NEB: variants seen among roughly 807,000 people sequenced by gnomAD.
The protein encoded by NEB is nemaline myopathy type 2.
NEB carries 512 observed loss-of-function variants against 952.2 expected under a neutral mutation model. The ratio of observed to expected loss-of-function variants is 0.54; its 90% CI spans 0.50 to 0.58. NEB has a LOEUF of 0.58. Among genes scored for constraint, NEB ranks in the 20% least tolerant of loss-of-function variants. NEB has a pLI of 0.00. For synonymous variants in NEB, 2,900 were observed against 3,149.8 expected, an observed-to-expected ratio of 0.92 and a Z score of 2.66; for missense variants, 8,428 against 9,231.1, an observed-to-expected ratio of 0.91 and a Z score of 3.56.
In NEB at chr2:151,503,279, T is replaced by C. The variant is rs1447242799; in HGVS notation, c.23835+70A>G. On this transcript the variant is annotated intron_variant, in intron 166 of 181. Transcript: ENST00000397345. ...ATTGCTGTTAAGATGTTACTTTCTT[T>C]AAAAAAGATGGGTTATTGTGGTAAA... 2.5e-6 allele frequency: 3 copies of C among 1,184,232 alleles called. No homozygotes were observed. The East Asian group carries it at 7.1e-5, about 28-fold the overall frequency. 73.4% of individuals were successfully genotyped at this position (1,184,232 alleles called of 1,614,324 possible).
chr2:151,519,047 T>C lies in NEB; in HGVS notation c.22613A>G (p.Lys7538Arg). The C allele has an allele frequency of 1.2e-6, 2 of 1,612,948 alleles. No individual in the cohort carries two copies. Among genetic ancestry groups the C allele is most frequent in the Non-Finnish European group, 1.7e-6 (2 of 1,178,994 alleles). Reference sequence around the variant, plus strand: ...GTCAGTCACGGGTTTGTGAAGTTTCTTCAGGTCAGCCTTGTATTTAACCTG... The same window carrying C: ...GTCAGTCACGGGTTTGTGAAGTTTCCTCAGGTCAGCCTTGTATTTAACCTG... ...ASEVKYKADL[K>R]KLHKPVTDMK... The change falls in exon 155 of 182, where the codon AAG becomes AGG. Residue 7538 changes from lysine to arginine, a missense_variant. Lys to Arg is a conservative substitution (Grantham distance 26, BLOSUM62 2). Around this residue, in one of 11 missense-constraint regions of NEB, gnomAD observed 3,374 missense variants for 3,651.5 expected, o/e 0.92. Transcript: ENST00000397345.
intron 36 of NEB, 74 bp downstream of exon 36, chr2:151,674,403 T>C: frequency 1.8e-6 from 2 of 1,090,918 alleles, no homozygotes; most frequent in Non-Finnish European, 2.8e-6. Flanking sequence ...TTCAATAAGG[T>C]ATCAATTTAA....
rs1208528760 is a variant in NEB, at chr2:151,663,534, T to C, written c.5763+14A>G. 2 of 1,595,350 alleles carry C rather than the reference T, an allele frequency of 1.3e-6. No homozygotes were observed. Among genetic ancestry groups the C allele is most frequent in the African/African-American group, 2.7e-5 (2 of 74,530 alleles). Reference sequence around the variant, plus strand: ...ATCCAGAGTAAACGCTCTGCAAATGTGGTTTTCACGTACATCACTTTGAAT... The same window carrying C: ...ATCCAGAGTAAACGCTCTGCAAATGCGGTTTTCACGTACATCACTTTGAAT... On this transcript the variant is annotated intron_variant, in intron 45 of 181. Coordinates refer to ENST00000397345, the MANE Select transcript of NEB (RefSeq NM_001164508.2).
intron 179 of NEB, among the ~76,000 whole-genome samples, chr2:151,490,839 C>T (rs1189306445): frequency 2.0e-5 from 3 of 152,210 alleles, no homozygotes; most frequent in Non-Finnish European, 4.4e-5. Context: ...GTAATATTCA[C>T]ATTCAGACTC....
At chr2:151,506,751 T>C (rs530458106) in intron 163 of NEB, among the ~76,000 whole-genome samples, 158 bp downstream of exon 163, 5 of 152,234 alleles carry the variant, frequency 3.3e-5, no homozygotes, top group Non-Finnish European at 5.9e-5. Flanking sequence ...CTGGAGATGA[T>C]TTTGGAGCAA....
At position 151,640,625 on chromosome 2, in the gene NEB, G is replaced by A. The variant is rs1008112537; in HGVS notation, c.8415C>T (p.His2805=). ...KEGYRKQLGH[H]IGARAIRDDP... The stretch of plus-strand genomic sequence containing the variant: ...CATCACGTATAGCTCGGGCACCAAT[G>A]TGGTGGCCGAGCTGCTTACGATAGC... Residue 2805 remains histidine, a synonymous_variant, in exon 61 of 182, where the codon CAC becomes CAT. Coordinates refer to ENST00000397345, the MANE Select transcript of NEB (RefSeq NM_001164508.2). 5 of 1,613,684 alleles carry A rather than the reference G, an allele frequency of 3.1e-6. No homozygotes were observed. Among genetic ancestry groups the A allele is most frequent in the Non-Finnish European group, 4.2e-6 (5 of 1,179,796 alleles).
intron 165 of NEB, among the ~76,000 whole-genome samples, chr2:151,503,823 A>G (rs1280384022): frequency 2.6e-5 from 4 of 152,164 alleles, no homozygotes; most frequent in East Asian, 1.9e-4. Flanking sequence ...AAATTTTCCA[A>G]TCATAGGATA....
At position 151,696,576 on chromosome 2, in the gene NEB, T is replaced by C. The variant is rs542531221; in HGVS notation, c.1569+61A>G. 4 of 1,272,204 alleles carry C rather than the reference T, an allele frequency of 3.1e-6. No individual in the cohort carries two copies. In the South Asian group the frequency reaches 4.9e-5, roughly 16 times the overall value. The allele number at this position is 1,272,204 out of a possible 1,614,324, so 78.8% of individuals were successfully genotyped here. A position where few individuals can be genotyped will look rare whatever the true frequency, so the allele number is the denominator to read the frequency against. On this transcript the variant is annotated intron_variant, in intron 17 of 181. Transcript: ENST00000397345. ...ACTTGATAAGTCATTGGATTTTATGTATAGAGTTATGAAATGTTATCCCTC... is the reference window on the plus strand; with the variant it reads ...ACTTGATAAGTCATTGGATTTTATGCATAGAGTTATGAAATGTTATCCCTC...
chr2:151,653,877 A>T, intron 52 of NEB, 115 bp downstream of exon 52: 1 of 633,508 alleles, frequency 1.6e-6, no homozygotes, highest in Non-Finnish European at 2.8e-6. Flanking sequence ...GTAGGAGAAA[A>T]TGAAGGAAGC....
chr2:151,525,481 G>C (rs1319576453), intron 150 of NEB, among the ~76,000 whole-genome samples: 2 of 152,096 alleles, frequency 1.3e-5, no homozygotes, highest in Non-Finnish European at 1.5e-5. Flanking sequence ...CGGAGAACCT[G>C]GGTAGAGGCA....
chr2:151,665,536 G>C lies in NEB; in HGVS notation c.5035C>G (p.Leu1679Val). The change falls in exon 42 of 182, where the codon CTG (leucine) becomes GTG (valine). Residue 1679 changes from leucine to valine, a missense_variant. By Grantham distance (32) the Leu-to-Val change is conservative. Transcript: ENST00000397345. ...RNAMQIQSDN[L>V]YKSDFTNWMK... ...CAATTGGTGAAGTCAGATTTGTACAGATTCTTTACAATGAGAAAAAAAATT... is the reference window on the plus strand; with the variant it reads ...CAATTGGTGAAGTCAGATTTGTACACATTCTTTACAATGAGAAAAAAAATT... The C allele has an allele frequency of 6.3e-7, 1 of 1,581,242 alleles. No homozygotes were observed. The highest frequency in any genetic ancestry group is 8.6e-7 in the Non-Finnish European group (1 of 1,161,914).
At chr2:151,701,902 T>G (rs2099672919) in intron 13 of NEB, among the ~76,000 whole-genome samples, 2 of 136,764 alleles carry the variant, frequency 1.5e-5, no homozygotes, top group South Asian at 2.6e-4. Context: ...TCTTGCCTTC[T>G]GCTAGCTTTT....
At position 151,562,166 on chromosome 2, in the gene NEB, C is replaced by T. The variant is rs764044045; in HGVS notation, c.18940G>A (p.Val6314Ile). 8 of 1,613,606 alleles carry T rather than the reference C, an allele frequency of 5.0e-6. No individual in the cohort carries two copies. Among genetic ancestry groups the T allele is most frequent in the South Asian group, 1.1e-5 (1 of 91,066 alleles). Residue 6314 changes from valine (V) to isoleucine (I), a missense_variant, in exon 121 of 182, where the codon GTT becomes ATT. By Grantham distance (29) the Val-to-Ile change is conservative. Transcript: ENST00000397345. Reference protein sequence around the residue: ...LNWLKGIGCYVWDTPQILHAK... With the variant: ...LNWLKGIGCYIWDTPQILHAK... ...TGGAGGATTTGGGGTGTATCCCAAA[C>T]GTAGCAACCAATGCCTTTCAACCAA... is the stretch of plus-strand genomic sequence containing the variant.
At chr2:151,680,587 G>T in intron 30 of NEB, 143 bp downstream of exon 30, 1 of 578,448 alleles carries the variant, frequency 1.7e-6, no homozygotes, top group East Asian at 2.8e-5. Flanking sequence ...CTTTATTAAT[G>T]AACAGCTGGG....
chr2:151,549,365 T>C (rs960970555), intron 130 of NEB, among the ~76,000 whole-genome samples: 1 of 152,158 alleles, frequency 6.6e-6, no homozygotes, highest in Non-Finnish European at 1.5e-5. Flanking sequence ...CCAGCAGAAG[T>C]AGAGGCATCA....
At position 151,570,112 on chromosome 2, in the gene NEB, T is replaced by G; in HGVS notation, c.17399A>C (p.Gln5800Pro). ...TCMPDQNDVI[Q>P]AKKAYELQSD... ...CTGCAGTTCGTAGGCCTTCTTGGCC[T>G]GAATCACATCGTTCTGGTCGGGCAT... The change falls in exon 109 of 182, where the codon CAG becomes CCG. Residue 5800 changes from glutamine to proline, a missense_variant. Around this residue, in one of 11 missense-constraint regions of NEB, gnomAD observed 3,374 missense variants for 3,651.5 expected, o/e 0.92. Coordinates refer to ENST00000397345, the MANE Select transcript of NEB (RefSeq NM_001164508.2). 6.2e-7 allele frequency: 1 copy of G among 1,611,916 alleles called. No homozygotes were observed. The highest frequency in any genetic ancestry group is 1.1e-5 in the South Asian group (1 of 90,404).
In NEB at chr2:151,513,564, G is replaced by C; in HGVS notation, c.23241+16C>G. 6.4e-7 allele frequency: 1 copy of C among 1,558,130 alleles called. No homozygotes were observed. Among genetic ancestry groups the C allele is most frequent in the African/African-American group, 1.4e-5 (1 of 73,910 alleles). On this transcript the variant is annotated intron_variant, in intron 160 of 181. Coordinates refer to ENST00000397345, the MANE Select transcript of NEB (RefSeq NM_001164508.2). Reference sequence around the variant, plus strand: ...ACTACTTTCCTGAAAGATTGACATCGAATAGTAGCACTGACCTGACTGGCA... The same window carrying C: ...ACTACTTTCCTGAAAGATTGACATCCAATAGTAGCACTGACCTGACTGGCA...
In NEB at chr2:151,727,790, C is replaced by T. The variant is rs79524813; in HGVS notation, c.195G>A (p.Pro65=). The part of the protein sequence containing the change: ...PALAQPASAK[P]VERRKVIRKK... ...TCCGGATGACCTTCCTCCTCTCCAC[C>T]GGCTTTGCTGATGCTGGCTGTGCCA... Residue 65 remains proline, a synonymous_variant, in exon 5 of 182, where the codon CCG becomes CCA. Coordinates refer to ENST00000397345, the MANE Select transcript of NEB (RefSeq NM_001164508.2). 2.5e-3 allele frequency: 4,063 copies of T among 1,612,994 alleles called. 91 individuals are homozygous for T. In the African/African-American group the frequency reaches 0.046, roughly 18 times the overall value.
intron 135 of NEB, among the ~76,000 whole-genome samples, chr2:151,542,623 C>T (rs906132990): frequency 1.3e-5 from 2 of 152,126 alleles, no homozygotes; most frequent in Non-Finnish European, 2.9e-5. Flanking sequence ...GGGCTCCTCA[C>T]TTTGTGATAT....
Sources: gnomAD v4.1 joint callset for allele counts (sites outside exome capture counted in the v4.1 genomes callset) on GRCh38, gnomAD v4.1.1 for gene constraint, gnomAD v4.1.1 regional missense constraint, MANE v1.5 for transcripts, NCBI Gene and HGNC (gene_info 2026-07-23, HGNC 2026-07-21) for gene names.